The following NEIL2 variants were observed in gnomAD, a reference collection of about 807,000 sequenced individuals.
NEIL2 encodes the protein endonuclease 8-like 2.
NEIL2 carries 23 observed loss-of-function variants against 22.2 expected under a neutral mutation model. That is an observed-to-expected ratio of 1.04 (90% CI 0.75 to 1.47). The LOEUF (loss-of-function observed/expected upper bound fraction) is 1.47, where lower values mean the gene tolerates loss of function less well. NEIL2 is among the 40% of genes most tolerant of loss of function. The pLI is 0.00. For missense variants in NEIL2, 583 were observed against 404.7 expected (o/e 1.44, Z -3.78); for synonymous variants, 229 against 164.8 (o/e 1.39, Z -2.99).
chr8:11,775,169 T>C (rs1803799452), intron 2 of NEIL2, among the ~76,000 whole-genome samples: 1 of 152,252 alleles, frequency 6.6e-6, no homozygotes, highest in Non-Finnish European at 1.5e-5. Flanking sequence ...GCTCTGCCCC[T>C]GCAGCACACC....
At chr8:11,771,342 G>C in intron 1 of NEIL2, 104 bp from the exon 2 acceptor site, 1 of 1,458,848 alleles carries the variant, frequency 6.9e-7, no homozygotes, top group African/African-American at 1.4e-5. Flanking sequence ...CTTAAAGTTA[G>C]TTGGCAGCAA....
Position 11,786,499 on chromosome 8 carries a change from C to A in NEIL2, c.*226C>A. 1 of 587,356 alleles carries A rather than the reference C, an allele frequency of 1.7e-6. No individual in the cohort carries two copies. Among genetic ancestry groups the A allele is most frequent in the Non-Finnish European group, 3.0e-6 (1 of 329,450 alleles). The allele number at this position is 587,356 out of a possible 1,614,324, so 36.4% of individuals were successfully genotyped here. A position where few individuals can be genotyped will look rare whatever the true frequency, so the allele number is the denominator to read the frequency against. ...AGTTAATTCATCCTGTTGAATTGCA[C>A]CATCGTGAAAGATGGGAAAAATCGT... On this transcript the variant is annotated 3_prime_UTR_variant, in exon 5 of 5. Transcript: ENST00000284503.
intron 3 of NEIL2, among the ~76,000 whole-genome samples, chr8:11,781,293 TG>T (rs1804400649): frequency 6.6e-6 from 1 of 152,166 alleles, no homozygotes; most frequent in Non-Finnish European, 1.5e-5. Flanking sequence ...GGGTGGGCTT[TG>T]GGGCTGCCGT....
intron 3 of NEIL2, among the ~76,000 whole-genome samples, chr8:11,780,788 T>C (rs943192824): frequency 1.1e-4 from 16 of 152,196 alleles, no homozygotes; most frequent in African/African-American, 3.9e-4. Flanking sequence ...TAATTGCTGG[T>C]CAGAGGGAAT....
At chr8:11,784,516 G>A (rs1481621845) in intron 4 of NEIL2, among the ~76,000 whole-genome samples, 1 of 152,212 alleles carries the variant, frequency 6.6e-6, no homozygotes, top group Non-Finnish European at 1.5e-5. Flanking sequence ...AGACTGATGT[G>A]TGTAATGAGG....
chr8:11,770,102 A>G lies in NEIL2; in HGVS notation c.-236A>G, dbSNP rs1046771288. On this transcript the variant is annotated 5_prime_UTR_variant, in exon 1 of 5. Transcript: ENST00000284503. ...TCGAGCTCCTCGGTAGCCCCCGGGCAGGGAGGGCCGGAGGGTGGGCGCGGC... is the reference window on the plus strand; with the variant it reads ...TCGAGCTCCTCGGTAGCCCCCGGGCGGGGAGGGCCGGAGGGTGGGCGCGGC... The G allele has an allele frequency of 6.6e-6, 1 of 152,100 alleles. No individual in the cohort carries two copies. The highest frequency in any genetic ancestry group is 2.4e-5 in the African/African-American group (1 of 41,412). The allele number at this position is 152,100 out of a possible 1,614,324, so 9.4% of individuals were successfully genotyped here.
intron 4 of NEIL2, 26 bp from the exon 5 acceptor site, chr8:11,785,937 C>T (rs368445895): frequency 3.9e-5 from 62 of 1,609,462 alleles, no homozygotes; most frequent in Non-Finnish European, 4.3e-5. Context: ...TTTGTCCTTC[C>T]CTTACCTTCC....
At position 11,787,137 on chromosome 8, in the gene NEIL2, G is replaced by C. The variant is rs1281609204; in HGVS notation, c.*864G>C. 6.5e-6 allele frequency: 1 copy of C among 152,940 alleles called. No individual in the cohort carries two copies. The highest frequency in any genetic ancestry group is 2.4e-5 in the African/African-American group (1 of 41,422). The allele number at this position is 152,940 out of a possible 1,614,324, so 9.5% of individuals were successfully genotyped here. On this transcript the variant is annotated 3_prime_UTR_variant, in exon 5 of 5. Coordinates refer to ENST00000284503, the MANE Select transcript of NEIL2 (RefSeq NM_145043.4). ...TGCTGGATACAGGCACCAAGAGGCG[G>C]TCGTGGAGCAGGGAGCTGCGCCTTC...
At chr8:11,783,549 C>A in intron 4 of NEIL2, 150 bp downstream of exon 4, 1 of 715,464 alleles carries the variant, frequency 1.4e-6, no homozygotes, top group Non-Finnish European at 2.5e-6. Context: ...TTTTACTTCC[C>A]TTGTTTTTAG....
At chr8:11,781,308 A>G (rs1563261532) in intron 3 of NEIL2, among the ~76,000 whole-genome samples, 2 of 152,148 alleles carry the variant, frequency 1.3e-5, no homozygotes, top group Non-Finnish European at 2.9e-5. Flanking sequence ...CTGCCGTTCC[A>G]AGGTTCTGGC....
intron 3 of NEIL2, among the ~76,000 whole-genome samples, chr8:11,780,448 T>G (rs777041076): frequency 1.3e-5 from 2 of 152,218 alleles, no homozygotes; most frequent in Non-Finnish European, 2.9e-5. Flanking sequence ...TGGCACGATC[T>G]CGCCTCACTG....
chr8:11,770,582 C>A (rs540082521), intron 1 of NEIL2, among the ~76,000 whole-genome samples: 2 of 152,154 alleles, frequency 1.3e-5, no homozygotes, highest in Admixed American at 6.5e-5. Context: ...ATAATAGCTA[C>A]CCCCTGCCCG....
At position 11,787,080 on chromosome 8, in the gene NEIL2, G is replaced by A. The variant is rs898293134; in HGVS notation, c.*807G>A. On this transcript the variant is annotated 3_prime_UTR_variant, in exon 5 of 5. Transcript: ENST00000284503. ...ATGAGGATAGAGTGGCCTGAGAGCA[G>A]TGCTTGGATTCAGCCTCCTGCTGGG... is the stretch of plus-strand genomic sequence containing the variant. The A allele has an allele frequency of 3.3e-5, 5 of 152,640 alleles. No individual in the cohort carries two copies. Among genetic ancestry groups the A allele is most frequent in the African/African-American group, 1.2e-4 (5 of 41,398 alleles). The allele number at this position is 152,640 out of a possible 1,614,324, so 9.5% of individuals were successfully genotyped here.
intron 2 of NEIL2, among the ~76,000 whole-genome samples, chr8:11,773,462 CACAG>C (rs1352183341): frequency 6.6e-6 from 1 of 152,108 alleles, no homozygotes; most frequent in African/African-American, 2.4e-5. Context: ...CTTGTATCGA[CACAG>C]GCCACACTAT....
At chr8:11,774,396 C>G (rs1203188148) in intron 2 of NEIL2, among the ~76,000 whole-genome samples, 1 of 152,042 alleles carries the variant, frequency 6.6e-6, no homozygotes. Flanking sequence ...ACAAAAAACC[C>G]ATCAGATCTC....
At chr8:11,785,322 AGTAGCTGCGATTACAGG>A (rs1385788487) in intron 4 of NEIL2, among the ~76,000 whole-genome samples, 1 of 152,102 alleles carries the variant, frequency 6.6e-6, no homozygotes, top group East Asian at 1.9e-4. Flanking sequence ...CAGCCACCTG[AGTAGCTGCGATTACAGG>A]CAGGTGCCAC....
At chr8:11,777,179 A>C (rs1209630147) in intron 2 of NEIL2, among the ~76,000 whole-genome samples, 1 of 149,666 alleles carries the variant, frequency 6.7e-6, no homozygotes, top group Non-Finnish European at 1.5e-5. Context: ...TTTTGTACAG[A>C]TGGGCGTTTC....
chr8:11,771,815 G>A (rs1015966213), intron 2 of NEIL2, among the ~76,000 whole-genome samples: 5 of 152,316 alleles, frequency 3.3e-5, no homozygotes, highest in African/African-American at 1.2e-4. Flanking sequence ...CCGATTCAGA[G>A]GGTCTGGAGT....
At chr8:11,783,524 G>A in intron 4 of NEIL2, 125 bp downstream of exon 4, 3 of 771,656 alleles carry the variant, frequency 3.9e-6, no homozygotes, top group Non-Finnish European at 6.9e-6. Context: ...GGTGCCACTT[G>A]CTCAATCTCC....
Sources: allele counts gnomAD v4.1 joint callset (sites outside exome capture counted in the v4.1 genomes callset), GRCh38; gene constraint gnomAD v4.1.1; transcripts MANE v1.5; gene names NCBI Gene and HGNC (gene_info 2026-07-23, HGNC 2026-07-21).